DLC1: variants seen among roughly 807,000 people sequenced by gnomAD.
The protein encoded by DLC1 is rho GTPase-activating protein 7.
DLC1 carries 54 observed loss-of-function variants against 140.3 expected under a neutral mutation model. The observed-to-expected ratio is 0.38, with a 90% CI of 0.31 to 0.48. The LOEUF (loss-of-function observed/expected upper bound fraction) is 0.48. Ranked by LOEUF, DLC1 falls within the 20% of genes least tolerant of loss-of-function variation. The pLI is 0.96. For synonymous variants in DLC1, 986 were observed against 728.1 expected, an observed-to-expected ratio of 1.35 and a Z score of -5.70; for missense variants, 2,536 against 1,907.0, an observed-to-expected ratio of 1.33 and a Z score of -6.14.
intron 1 of DLC1, among the ~76,000 whole-genome samples, chr8:13,538,368 TA>T (rs72199875): frequency 0.1 from 14,713 of 143,826 alleles, 1,497 homozygotes; most frequent in African/African-American, 0.27. Flanking sequence ...GCACTGAGTA[TA>T]AAAAAAAAAA....
intron 1 of DLC1, among the ~76,000 whole-genome samples, chr8:13,504,451 T>C (rs1250917051): frequency 6.6e-6 from 1 of 152,184 alleles, no homozygotes; most frequent in East Asian, 1.9e-4. Flanking sequence ...AGAAGAAATT[T>C]TTCAAAGAAA....
chr8:13,408,326 C>A (rs1419709106), intron 2 of DLC1, among the ~76,000 whole-genome samples: 1 of 152,128 alleles, frequency 6.6e-6, no homozygotes, highest in East Asian at 1.9e-4. Context: ...GACATGTAAT[C>A]ATTAATTAGC....
At chr8:13,442,429 G>A (rs951014319) in intron 2 of DLC1, among the ~76,000 whole-genome samples, 8 of 152,114 alleles carry the variant, frequency 5.3e-5, no homozygotes, top group Admixed American at 5.2e-4. Flanking sequence ...CCTACAGAAT[G>A]GGAGAAAATT....
intron 3 of DLC1, among the ~76,000 whole-genome samples, chr8:13,397,468 G>A (rs1275873751): frequency 6.6e-6 from 1 of 152,078 alleles, no homozygotes; most frequent in African/African-American, 2.4e-5. Flanking sequence ...AGACTGCACT[G>A]GCACTACTGA....
At chr8:13,175,980 A>C (rs1227277892) in intron 5 of DLC1, among the ~76,000 whole-genome samples, 3 of 152,218 alleles carry the variant, frequency 2.0e-5, no homozygotes, top group Non-Finnish European at 1.5e-5. Context: ...TATGTAGCAC[A>C]TCTTTATTGT....
intron 4 of DLC1, among the ~76,000 whole-genome samples, chr8:13,388,498 A>G (rs1472631664): frequency 6.6e-6 from 1 of 152,154 alleles, no homozygotes; most frequent in Admixed American, 6.6e-5. Flanking sequence ...TAATTAATAA[A>G]TATAATTTAT....
chr8:13,432,555 G>A (rs1838927090), intron 2 of DLC1, among the ~76,000 whole-genome samples: 1 of 152,118 alleles, frequency 6.6e-6, no homozygotes, highest in African/African-American at 2.4e-5. Context: ...ACTAAGAAAG[G>A]CAATACTCTA....
intron 4 of DLC1, among the ~76,000 whole-genome samples, chr8:13,364,909 A>T (rs528468147): frequency 3.5e-4 from 54 of 152,368 alleles, no homozygotes; most frequent in African/African-American, 1.2e-3. Context: ...TTATTAAAAT[A>T]TAATTGCAAT....
intron 5 of DLC1, among the ~76,000 whole-genome samples, chr8:13,185,166 T>C (rs1826283227): frequency 6.7e-6 from 1 of 149,928 alleles, no homozygotes; most frequent in Non-Finnish European, 1.5e-5. Flanking sequence ...TGGTAGATCT[T>C]CCTCCATCCC....
intron 5 of DLC1, among the ~76,000 whole-genome samples, chr8:13,237,467 T>G (rs1006293376): frequency 6.6e-6 from 1 of 152,060 alleles, no homozygotes; most frequent in Admixed American, 6.6e-5. Context: ...TGATGATTAT[T>G]TCTTTATTTC....
At chr8:13,235,256 G>A (rs1829226392) in intron 5 of DLC1, among the ~76,000 whole-genome samples, 1 of 151,980 alleles carries the variant, frequency 6.6e-6, no homozygotes, top group South Asian at 2.1e-4. Flanking sequence ...ATTGACTTTG[G>A]AGGCCACTCA....
chr8:13,197,972 T>C (rs1036455055), intron 5 of DLC1, among the ~76,000 whole-genome samples: 1 of 151,926 alleles, frequency 6.6e-6, no homozygotes, highest in Non-Finnish European at 1.5e-5. Flanking sequence ...ATTGCCTAGG[T>C]GCAGTAGCTC....
chr8:13,201,122 AAAACAAGG>A (rs1827356730), intron 5 of DLC1, among the ~76,000 whole-genome samples: 1 of 149,744 alleles, frequency 6.7e-6, no homozygotes, highest in African/African-American at 2.5e-5. Flanking sequence ...GGCAATTGAG[AAAACAAGG>A]AAACAAGGAA....
At chr8:13,239,104 G>C (rs1300646214) in intron 5 of DLC1, among the ~76,000 whole-genome samples, 1 of 152,176 alleles carries the variant, frequency 6.6e-6, no homozygotes, top group Non-Finnish European at 1.5e-5. Flanking sequence ...AGAACAGTTT[G>C]AGTGTGCGTA....
chr8:13,361,555 C>T (rs1364802721), intron 4 of DLC1, among the ~76,000 whole-genome samples: 1 of 152,102 alleles, frequency 6.6e-6, no homozygotes, highest in Non-Finnish European at 1.5e-5. Flanking sequence ...GGTGAGCCAC[C>T]ACGCCCTGCT....
intron 2 of DLC1, among the ~76,000 whole-genome samples, chr8:13,421,258 A>T (rs1454523037): frequency 6.6e-6 from 1 of 152,084 alleles, no homozygotes; most frequent in Non-Finnish European, 1.5e-5. Context: ...TTTTCTGCAT[A>T]TATTATCTCC....
intron 5 of DLC1, among the ~76,000 whole-genome samples, chr8:13,141,606 G>C (rs1390499296): frequency 6.6e-6 from 1 of 152,056 alleles, no homozygotes; most frequent in Non-Finnish European, 1.5e-5. Context: ...GATGCTATGG[G>C]GTGGGTTCGG....
At chr8:13,571,599 A>C (rs538746827) in intron 1 of DLC1, among the ~76,000 whole-genome samples, 4 of 152,290 alleles carry the variant, frequency 2.6e-5, no homozygotes, top group South Asian at 4.1e-4. Context: ...ATGTGTATTC[A>C]TTCATCTGCT....
intron 1 of DLC1, among the ~76,000 whole-genome samples, chr8:13,563,886 G>A (rs565445662): frequency 1.3e-5 from 2 of 151,758 alleles, no homozygotes; most frequent in Non-Finnish European, 2.9e-5. Flanking sequence ...TGAATGGAAA[G>A]GTTCATTTTA....
Sources: gnomAD v4.1 joint callset for allele counts (sites outside exome capture counted in the v4.1 genomes callset) on GRCh38, gnomAD v4.1.1 for gene constraint, MANE v1.5 for transcripts, NCBI Gene and HGNC (gene_info 2026-07-23, HGNC 2026-07-21) for gene names.